The following PDYN variants were observed in gnomAD, a reference collection of about 807,000 sequenced individuals.
PDYN encodes proenkephalin-B.
In PDYN, 5 loss-of-function variants were observed where a neutral mutation model predicts 11.4. That is an observed-to-expected ratio of 0.44 (90% confidence interval 0.23 to 0.92). The LOEUF (loss-of-function observed/expected upper bound fraction) is 0.92, where lower values mean the gene tolerates loss of function less well. Among genes scored for constraint, PDYN ranks in the 40% least tolerant of loss-of-function variants. The pLI, the probability that PDYN is intolerant of heterozygous loss-of-function variation, is 0.24. For missense variants in PDYN, 337 were observed against 317.3 expected (o/e 1.06, Z -0.47); for synonymous variants, 132 against 129.5 (o/e 1.02, Z -0.13).
At chr20:1,982,743 GC>G (rs1282349307) in intron 3 of PDYN, among the ~76,000 whole-genome samples, 2 of 152,162 alleles carry the variant, frequency 1.3e-5, no homozygotes, top group Admixed American at 6.5e-5. Context: ...TCTTGTCCTG[GC>G]CTAAGTGAAC....
intron 2 of PDYN, among the ~76,000 whole-genome samples, chr20:1,987,122 AGGGAGAGACT>A (rs1568543327): frequency 6.6e-6 from 1 of 152,142 alleles, no homozygotes; most frequent in Non-Finnish European, 1.5e-5. Flanking sequence ...AAGGGACGTA[AGGGAGAGACT>A]GGGGTGAAAA....
In PDYN at chr20:1,983,038, G is replaced by A. The variant is rs1192561019; in HGVS notation, c.47C>T (p.Pro16Leu). The A allele has an allele frequency of 1.2e-6, 2 of 1,613,976 alleles. No individual in the cohort carries two copies. The highest frequency in any genetic ancestry group is 4.5e-5 in the East Asian group (2 of 44,876). Residue 16 changes from proline (P) to leucine (L), a missense_variant, in exon 3 of 4, where the codon CCC (proline) becomes CTC (leucine). By Grantham distance (98) the Pro-to-Leu change is moderately conservative. Coordinates refer to ENST00000217305, the MANE Select transcript of PDYN (RefSeq NM_024411.5). ...LVLAACLLMF[P>L]STTADCLSRC... ...CGACAGGCAGTCCGCTGTGGTGGAG[G>A]GGAACATGAGGAGGCAGGCAGCCAG...
chr20:1,991,308 G>T (rs947766219), intron 2 of PDYN, among the ~76,000 whole-genome samples: 3 of 152,204 alleles, frequency 2.0e-5, no homozygotes, highest in African/African-American at 7.2e-5. Flanking sequence ...TCAACAAATT[G>T]CCTCGGTGCA....
intron 2 of PDYN, among the ~76,000 whole-genome samples, chr20:1,986,146 C>T (rs1988172839): frequency 6.6e-6 from 1 of 152,202 alleles, no homozygotes; most frequent in African/African-American, 2.4e-5. Context: ...CATACATATT[C>T]ACAGAAACTC....
In PDYN at chr20:1,978,936, G is replaced by A. The variant is rs1987542963; in HGVS notation, c.*1387C>T. 1 of 152,202 alleles carries A rather than the reference G, an allele frequency of 6.6e-6. No homozygotes were observed. The highest frequency in any genetic ancestry group is 1.5e-5 in the Non-Finnish European group (1 of 68,046). 9.4% of individuals were successfully genotyped at this position (152,202 alleles called of 1,614,324 possible). Reference sequence around the variant, plus strand: ...CAGATACCTGGGGACTGCGCATGAAGAGATGTGCTCAGCAGCATCTTATAC... The same window carrying A: ...CAGATACCTGGGGACTGCGCATGAAAAGATGTGCTCAGCAGCATCTTATAC... On this transcript the variant is annotated 3_prime_UTR_variant, in exon 4 of 4. Coordinates refer to ENST00000217305, the MANE Select transcript of PDYN (RefSeq NM_024411.5).
intron 2 of PDYN, among the ~76,000 whole-genome samples, chr20:1,985,260 C>G (rs1238052980): frequency 1.3e-5 from 2 of 152,158 alleles, no homozygotes; most frequent in African/African-American, 4.8e-5. Flanking sequence ...GCTCCCCCAC[C>G]AGAGCATGCC....
intron 2 of PDYN, among the ~76,000 whole-genome samples, chr20:1,990,373 A>G (rs1455502300): frequency 6.6e-6 from 1 of 152,210 alleles, no homozygotes; most frequent in Non-Finnish European, 1.5e-5. Flanking sequence ...CTTTTGCCCC[A>G]CACTCGAAAG....
chr20:1,985,883 T>A (rs935156992), intron 2 of PDYN, among the ~76,000 whole-genome samples: 8 of 152,172 alleles, frequency 5.3e-5, no homozygotes, highest in African/African-American at 1.9e-4. Flanking sequence ...TGGGCTGGCC[T>A]GTTAGAAGAT....
chr20:1,985,218 G>C (rs1988107441), intron 2 of PDYN, among the ~76,000 whole-genome samples: 1 of 152,130 alleles, frequency 6.6e-6, no homozygotes, highest in Non-Finnish European at 1.5e-5. Flanking sequence ...GCTGTAGCCA[G>C]AGCAGGGTCT....
intron 2 of PDYN, among the ~76,000 whole-genome samples, chr20:1,986,253 A>C (rs1001481542): frequency 6.6e-6 from 1 of 152,180 alleles, no homozygotes; most frequent in Non-Finnish European, 1.5e-5. Context: ...TAAGTGGCAA[A>C]GCTGGGATTC....
At position 1,982,969 on chromosome 20, in the gene PDYN, G is replaced by A; in HGVS notation, c.116C>T (p.Pro39Leu). Residue 39 changes from proline (P) to leucine (L), a missense_variant, in exon 3 of 4, where the codon CCT becomes CTT. By Grantham distance (98) the Pro-to-Leu change is moderately conservative. Transcript: ENST00000217305. ...CCTGAAACCTACCAGGGGATTGATAGGTTTGGGACCATCCTGGGTCTTTAC... is the reference window on the plus strand; with the variant it reads ...CCTGAAACCTACCAGGGGATTGATAAGTTTGGGACCATCCTGGGTCTTTAC... ...CAVKTQDGPK[P>L]INPLICSLQC... The A allele has an allele frequency of 6.2e-7, 1 of 1,613,932 alleles. No individual in the cohort carries two copies. The highest frequency in any genetic ancestry group is 8.5e-7 in the Non-Finnish European group (1 of 1,179,876).
chr20:1,986,398 T>C (rs1217175318), intron 2 of PDYN, among the ~76,000 whole-genome samples: 1 of 152,148 alleles, frequency 6.6e-6, no homozygotes, highest in Non-Finnish European at 1.5e-5. Flanking sequence ...TAGCCTCCAA[T>C]CTTTCCCTCC....
At chr20:1,986,571 G>T (rs6035237) in intron 2 of PDYN, among the ~76,000 whole-genome samples, 26,223 of 152,164 alleles carry the variant, frequency 0.17, 3,275 homozygotes, top group African/African-American at 0.36. Flanking sequence ...CTCCCTGTGT[G>T]CCTGCCCCTG....
At chr20:1,983,246 G>A (rs1444937600) in intron 2 of PDYN, 143 bp from the exon 3 acceptor site, 1 of 761,942 alleles carries the variant, frequency 1.3e-6, no homozygotes. Context: ...GAAAACAGAG[G>A]CCCAGGGAGG....
At position 1,980,225 on chromosome 20, in the gene PDYN, G is replaced by A. The variant is rs1459840385; in HGVS notation, c.*98C>T. On this transcript the variant is annotated 3_prime_UTR_variant, in exon 4 of 4. Coordinates refer to ENST00000217305, the MANE Select transcript of PDYN (RefSeq NM_024411.5). ...TATTTTGTACACAATGCTGAGCTGA[G>A]CATGGGGAAGGGGCACATATAAGAG... 5 of 1,184,102 alleles carry A rather than the reference G, an allele frequency of 4.2e-6. No individual in the cohort carries two copies. The East Asian group carries it at 9.3e-5, about 22-fold the overall frequency. 73.3% of individuals were successfully genotyped at this position (1,184,102 alleles called of 1,614,324 possible).
At chr20:1,984,668 G>A (rs1217782753) in intron 2 of PDYN, among the ~76,000 whole-genome samples, 8 of 152,156 alleles carry the variant, frequency 5.3e-5, no homozygotes, top group Non-Finnish European at 1.0e-4. Context: ...AGAGGCTGAG[G>A]CGGACAGATC....
At position 1,980,038 on chromosome 20, in the gene PDYN, A is replaced by ACTGCTGCTG. The variant is rs920178048; in HGVS notation, c.*276_*284dup. The ACTGCTGCTG allele has an allele frequency of 3.1e-5, 15 of 488,368 alleles. No homozygotes were observed. Among genetic ancestry groups the ACTGCTGCTG allele is most frequent in the South Asian group, 2.6e-4 (13 of 49,514 alleles). 30.3% of individuals were successfully genotyped at this position (488,368 alleles called of 1,614,324 possible). On this transcript the variant is annotated 3_prime_UTR_variant, in exon 4 of 4. Transcript: ENST00000217305. ...AACAGGTTGGAAGGACAGATCACAA[A>ACTGCTGCTG]CTGCTGCTGCTGCTGCTGCTGCCGC...
At chr20:1,991,496 A>T (rs1988445433) in intron 2 of PDYN, among the ~76,000 whole-genome samples, 1 of 152,176 alleles carries the variant, frequency 6.6e-6, no homozygotes, top group African/African-American at 2.4e-5. Context: ...CAGCACTAAC[A>T]GACCCCACTC....
chr20:1,983,361 A>T (rs1338534556), intron 2 of PDYN, among the ~76,000 whole-genome samples: 2 of 152,196 alleles, frequency 1.3e-5, no homozygotes, highest in Admixed American at 1.3e-4. Context: ...TAGTTCTTCA[A>T]TGTGGGCTGT....
Sources: allele counts gnomAD v4.1 joint callset (sites outside exome capture counted in the v4.1 genomes callset), GRCh38; gene constraint gnomAD v4.1.1; transcripts MANE v1.5; gene names NCBI Gene and HGNC (gene_info 2026-07-23, HGNC 2026-07-21).